Variants in CSMD1 observed in about 807,000 individuals in gnomAD.
CSMD1 encodes the protein CUB and sushi domain-containing protein 1.
A neutral mutation model predicts 417.5 loss-of-function variants in CSMD1; 213 were observed. The ratio of observed to expected loss-of-function variants is 0.51; its 90% CI spans 0.46 to 0.57. CSMD1 has a LOEUF of 0.57. Among genes scored for constraint, CSMD1 ranks in the 20% least tolerant of loss-of-function variants. CSMD1 has a pLI of 0.00. For synonymous variants in CSMD1, 2,862 were observed against 1,736.8 expected (o/e 1.65, Z -16.11); for missense variants, 6,923 against 4,529.7 (o/e 1.53, Z -15.17).
In CSMD1 at chr8:3,926,098, C is replaced by G. The variant is rs1279296464; in HGVS notation, c.818+71805G>C. ...CAAACACCATACACACACACACACA[C>G]ACACACACACACACACACACACACA... On this transcript the variant is annotated intron_variant, in intron 5 of 69. Coordinates refer to ENST00000635120, the MANE Select transcript of CSMD1 (RefSeq NM_033225.6). 6.7e-4 allele frequency among the ~76,000 whole-genome samples: 55 copies of G among 81,964 alleles called. 2 individuals carry two copies. The highest frequency in any genetic ancestry group is 2.5e-3 in the African/African-American group (48 of 19,076). 53.8% of individuals were successfully genotyped at this position (81,964 alleles called of 152,430 possible). A position where few individuals can be genotyped will look rare whatever the true frequency, so the allele number is the denominator to read the frequency against.
intron 1 of CSMD1, among the ~76,000 whole-genome samples, chr8:4,900,587 C>T (rs563176623): frequency 6.6e-6 from 1 of 152,330 alleles, no homozygotes; most frequent in South Asian, 2.1e-4. Context: ...CTGGCCTCTT[C>T]TGATTTCCAG....
At chr8:3,254,092 T>C (rs1159889129) in intron 26 of CSMD1, among the ~76,000 whole-genome samples, 1 of 152,174 alleles carries the variant, frequency 6.6e-6, no homozygotes, top group Non-Finnish European at 1.5e-5. Context: ...TCTCTCAGCA[T>C]TTGCTTGTCT....
chr8:3,349,751 T>A (rs1220892754), intron 21 of CSMD1, among the ~76,000 whole-genome samples: 2 of 143,652 alleles, frequency 1.4e-5, no homozygotes, highest in Non-Finnish European at 3.0e-5. Flanking sequence ...ATACTTTATA[T>A]AGTTATAGCT....
intron 2 of CSMD1, among the ~76,000 whole-genome samples, chr8:4,565,770 A>ATG (rs1171699080): frequency 2.7e-4 from 6 of 22,018 alleles, no homozygotes; most frequent in African/African-American, 7.9e-4. Context: ...ATATATATAT[A>ATG]TATATATATA....
At chr8:3,653,416 G>C (rs547520670) in intron 7 of CSMD1, among the ~76,000 whole-genome samples, 1 of 151,952 alleles carries the variant, frequency 6.6e-6, no homozygotes, top group Non-Finnish European at 1.5e-5. Context: ...TCAAACGATT[G>C]TCCTGCCTCA....
intron 1 of CSMD1, among the ~76,000 whole-genome samples, chr8:4,680,800 G>A (rs1279308038): frequency 6.6e-6 from 1 of 151,990 alleles, no homozygotes; most frequent in Non-Finnish European, 1.5e-5. Flanking sequence ...GGATGGTCTT[G>A]ATCTCTTGAC....
chr8:4,601,405 A>T (rs1201149710), intron 2 of CSMD1, among the ~76,000 whole-genome samples: 1 of 152,132 alleles, frequency 6.6e-6, no homozygotes, highest in Non-Finnish European at 1.5e-5. Context: ...TTGCATTAGG[A>T]TAGTTCTTCA....
In CSMD1 at chr8:3,399,431, C is replaced by T. The variant is rs1167091984; in HGVS notation, c.2365G>A (p.Glu789Lys). ...KDSLHCEWII[E>K]AKPGHSIKIT... The stretch of plus-strand genomic sequence containing the variant: ...TTGATAGAGTGGCCTGGTTTTGCTT[C>T]AATTATCCATTCACAATGTAAAGAA... The change falls in exon 16 of 70, where the codon GAA (glutamate) becomes AAA (lysine). Residue 789 changes from glutamate (E) to lysine (K), a missense_variant. Physicochemically the swap from Glu to Lys is moderately conservative, Grantham distance 56. Transcript: ENST00000635120. 1 of 1,608,304 alleles carries T rather than the reference C, an allele frequency of 6.2e-7. No individual in the cohort carries two copies. Among genetic ancestry groups the T allele is most frequent in the Non-Finnish European group, 8.5e-7 (1 of 1,177,574 alleles).
At chr8:4,883,527 T>C (rs534785602) in intron 1 of CSMD1, among the ~76,000 whole-genome samples, 86 of 152,224 alleles carry the variant, frequency 5.6e-4, no homozygotes, top group South Asian at 1.0e-3. Context: ...CACTACCATA[T>C]TTTCCAAATC....
At chr8:4,797,226 G>C (rs1798029669) in intron 1 of CSMD1, among the ~76,000 whole-genome samples, 1 of 152,180 alleles carries the variant, frequency 6.6e-6, no homozygotes, top group South Asian at 2.1e-4. Flanking sequence ...TCCAATGAGG[G>C]AGATGAGGTT....
chr8:4,692,952 C>T (rs939721735), intron 1 of CSMD1, among the ~76,000 whole-genome samples: 1 of 152,176 alleles, frequency 6.6e-6, no homozygotes, highest in Admixed American at 6.5e-5. Context: ...GGCCAATCCC[C>T]AAGAGGTCAC....
intron 3 of CSMD1, among the ~76,000 whole-genome samples, chr8:4,169,782 G>T (rs571987370): frequency 1.3e-5 from 2 of 152,050 alleles, no homozygotes; most frequent in South Asian, 4.1e-4. Context: ...CTTCTTTACC[G>T]TTAAACGTAT....
intron 1 of CSMD1, among the ~76,000 whole-genome samples, chr8:4,932,883 A>T (rs993878611): frequency 6.6e-6 from 1 of 152,228 alleles, no homozygotes; most frequent in Non-Finnish European, 1.5e-5. Flanking sequence ...ATGCAATATT[A>T]ATTTTTACTA....
At chr8:4,586,649 G>A (rs1799714920) in intron 2 of CSMD1, among the ~76,000 whole-genome samples, 1 of 152,092 alleles carries the variant, frequency 6.6e-6, no homozygotes, top group African/African-American at 2.4e-5. Flanking sequence ...TAAAAACACA[G>A]CACTAAAATC....
chr8:3,125,299 C>A (rs1363927748), intron 41 of CSMD1, among the ~76,000 whole-genome samples: 1 of 152,216 alleles, frequency 6.6e-6, no homozygotes, highest in African/African-American at 2.4e-5. Flanking sequence ...ACTTGCAATG[C>A]ATCACAGTGC....
chr8:4,849,058 C>A (rs567324430), intron 1 of CSMD1, among the ~76,000 whole-genome samples: 42 of 152,208 alleles, frequency 2.8e-4, no homozygotes, highest in African/African-American at 8.2e-4. Flanking sequence ...TCCCTGAAGA[C>A]CTTCTAGTGG....
chr8:4,821,174 A>T (rs1029454270), intron 1 of CSMD1, among the ~76,000 whole-genome samples: 1 of 152,150 alleles, frequency 6.6e-6, no homozygotes, highest in Non-Finnish European at 1.5e-5. Context: ...TCTTCTCTGT[A>T]ATCACGTCAC....
intron 7 of CSMD1, among the ~76,000 whole-genome samples, chr8:3,661,871 C>T (rs763806279): frequency 5.3e-5 from 8 of 151,896 alleles, no homozygotes; most frequent in South Asian, 2.1e-4. Context: ...TGTTGAAGGA[C>T]GACACATAGG....
intron 2 of CSMD1, among the ~76,000 whole-genome samples, chr8:4,587,168 C>G (rs541032226): frequency 1.5e-3 from 232 of 152,214 alleles, no homozygotes; most frequent in African/African-American, 5.5e-3. Flanking sequence ...GTGAGCCAAC[C>G]AGCTTTTATG....
Sources: allele counts gnomAD v4.1 joint callset (sites outside exome capture counted in the v4.1 genomes callset), GRCh38; gene constraint gnomAD v4.1.1; transcripts MANE v1.5; gene names NCBI Gene and HGNC (gene_info 2026-07-23, HGNC 2026-07-21).